ZNF81: variants seen among roughly 807,000 people sequenced by gnomAD.
ZNF81 encodes zinc finger protein 81 (HFZ20).
In ZNF81, 5 loss-of-function variants were observed where a neutral mutation model predicts 32.3. That is an observed-to-expected ratio of 0.15 (90% CI 0.08 to 0.33). The LOEUF (loss-of-function observed/expected upper bound fraction) is 0.33. Among genes scored for constraint, ZNF81 ranks in the 10% least tolerant of loss-of-function variants. The pLI is 1.00. For missense variants in ZNF81, 379 were observed against 479.8 expected (o/e 0.79, Z 1.96); for synonymous variants, 163 against 166.8 (o/e 0.98, Z 0.17).
At chrX:47,907,627 A>T (rs1164453800) in intron 4 of ZNF81, among the ~76,000 whole-genome samples, 1 of 112,217 alleles carries the variant, frequency 8.9e-6, no homozygotes, top group East Asian at 2.8e-4. Flanking sequence ...TCTTTGAAAG[A>T]TTAACACAAT....
chrX:47,842,173 T>C (rs782750194), intron 1 of ZNF81, among the ~76,000 whole-genome samples: 12 of 112,061 alleles, frequency 1.1e-4, no homozygotes, highest in Non-Finnish European at 2.1e-4. Context: ...GAGAACATAC[T>C]CTGTACGACT....
chrX:47,841,152 G>C, intron 1 of ZNF81: 1 of 809,401 alleles, frequency 1.2e-6, no homozygotes. Context: ...GGTCTTCCAA[G>C]CAAATGACAC....
At chrX:47,857,707 A>G (rs5906496) in intron 2 of ZNF81, among the ~76,000 whole-genome samples, 47,792 of 110,047 alleles carry the variant, frequency 0.43, 7,838 homozygotes, top group East Asian at 0.63. Context: ...ATCTGAAAAA[A>G]TCTGCCCTTG....
At chrX:47,889,753 T>C (rs1454065298) in intron 3 of ZNF81, among the ~76,000 whole-genome samples, 1 of 111,626 alleles carries the variant, frequency 9.0e-6, no homozygotes, top group Non-Finnish European at 1.9e-5. Context: ...CTTCCAATCA[T>C]GGCGGAAGGC....
chrX:47,913,096 G>C (rs1169861854), intron 4 of ZNF81, among the ~76,000 whole-genome samples: 1 of 111,700 alleles, frequency 9.0e-6, no homozygotes, highest in African/African-American at 3.3e-5. Flanking sequence ...GTTTGTATAG[G>C]TTAGGATGGC....
At chrX:47,904,827 C>A (rs1465114955) in intron 4 of ZNF81, among the ~76,000 whole-genome samples, 2 of 111,291 alleles carry the variant, frequency 1.8e-5, no homozygotes, top group African/African-American at 6.6e-5. Flanking sequence ...TGTCCAACAA[C>A]GATAGACTGG....
chrX:47,909,015 G>A (rs1556889505), intron 4 of ZNF81, among the ~76,000 whole-genome samples: 1 of 111,795 alleles, frequency 8.9e-6, no homozygotes, highest in Admixed American at 9.5e-5. Context: ...GAGTATTGGA[G>A]TTCAGCTTTA....
intron 3 of ZNF81, among the ~76,000 whole-genome samples, chrX:47,892,875 G>T (rs1315795926): frequency 8.9e-6 from 1 of 112,548 alleles, no homozygotes; most frequent in Non-Finnish European, 1.9e-5. Flanking sequence ...TAAAAGCAAA[G>T]AAGGGTGGTG....
rs2146435883 is a variant in ZNF81 at position 47,923,774 on chromosome X, A to G, written c.*7142A>G. Among the ~76,000 whole-genome samples the G allele has an allele frequency of 8.9e-6, 1 of 112,076 alleles. No individual in the cohort carries two copies. The highest frequency in any genetic ancestry group is 2.8e-4 in the East Asian group (1 of 3,578). On this transcript the variant is annotated 3_prime_UTR_variant, in exon 5 of 5. Transcript: ENST00000338637. ...AAGAGTTGGCTAAAGTAGAAATTAC[A>G]TGAGATTTGGAAGGTCAAAGGGAAG...
intron 2 of ZNF81, among the ~76,000 whole-genome samples, chrX:47,881,202 G>A (rs782213446): frequency 5.4e-5 from 6 of 111,683 alleles, no homozygotes; most frequent in Admixed American, 9.5e-5. Context: ...CAAATAACTC[G>A]CAATCTTCCT....
At chrX:47,892,012 G>A (rs1201477880) in intron 3 of ZNF81, among the ~76,000 whole-genome samples, 21 of 111,242 alleles carry the variant, frequency 1.9e-4, no homozygotes, top group Admixed American at 1.8e-3. Flanking sequence ...TTGAAGGGCT[G>A]TGACTTTGTG....
At chrX:47,875,859 C>T (rs2058597864) in intron 2 of ZNF81, among the ~76,000 whole-genome samples, 2 of 112,277 alleles carry the variant, frequency 1.8e-5, no homozygotes, top group African/African-American at 6.5e-5. Context: ...TTTTATATAG[C>T]CAAGCAGATA....
rs898032549 is a variant in ZNF81, at chrX:47,920,469, C to T, written c.*3837C>T. ...CCTGCCCTCTTCCACTGGTAGAAGG[C>T]CTTTAATGATCTGGGCCCAGGATGA... On this transcript the variant is annotated 3_prime_UTR_variant, in exon 5 of 5. Coordinates refer to ENST00000338637, the MANE Select transcript of ZNF81 (RefSeq NM_007137.5). 9.1e-6 allele frequency: 1 copy of T among 110,452 alleles called. No homozygotes were observed. The highest frequency in any genetic ancestry group is 1.9e-5 in the Non-Finnish European group (1 of 52,809). The allele number at this position is 110,452 out of a possible 1,213,427, so 9.1% of individuals were successfully genotyped here.
At chrX:47,856,685 C>T (rs1268102897) in intron 2 of ZNF81, among the ~76,000 whole-genome samples, 3 of 111,816 alleles carry the variant, frequency 2.7e-5, no homozygotes, top group African/African-American at 9.7e-5. Context: ...TGGCTCATAC[C>T]TGTAATCTCA....
chrX:47,861,010 T>C (rs1233995125), intron 2 of ZNF81: 1 of 112,457 alleles, frequency 8.9e-6, no homozygotes. Context: ...CTGTGTCTTT[T>C]GTAATATTCT....
intron 4 of ZNF81, among the ~76,000 whole-genome samples, chrX:47,897,406 G>A (rs1258669809): frequency 9.0e-6 from 1 of 111,725 alleles, no homozygotes; most frequent in Non-Finnish European, 1.9e-5. Flanking sequence ...TTTTTAATCA[G>A]GTTGTTTGTC....
At chrX:47,844,661 A>G (rs1219214983) in intron 1 of ZNF81, among the ~76,000 whole-genome samples, 1 of 112,336 alleles carries the variant, frequency 8.9e-6, no homozygotes, top group African/African-American at 3.2e-5. Flanking sequence ...TGGAATGGAC[A>G]TGGGTTTTTA....
Position 47,919,783 on chromosome X carries a change from A to G in ZNF81, c.*3151A>G, listed in dbSNP as rs2058769939. Reference sequence around the variant, plus strand: ...CCCAAAGGCTCCACCTCCTAATACCATCACATTGAGGATTAGGATTTTAAC... The same window carrying G: ...CCCAAAGGCTCCACCTCCTAATACCGTCACATTGAGGATTAGGATTTTAAC... On this transcript the variant is annotated 3_prime_UTR_variant, in exon 5 of 5. Coordinates refer to ENST00000338637, the MANE Select transcript of ZNF81 (RefSeq NM_007137.5). 1.8e-5 allele frequency: 2 copies of G among 111,345 alleles called. No homozygotes were observed. Among genetic ancestry groups the G allele is most frequent in the Non-Finnish European group, 3.8e-5 (2 of 53,124 alleles). 9.2% of individuals were successfully genotyped at this position (111,345 alleles called of 1,213,427 possible).
chrX:47,838,325 T>C (rs782708998), intron 1 of ZNF81, among the ~76,000 whole-genome samples: 1 of 112,110 alleles, frequency 8.9e-6, no homozygotes, highest in Non-Finnish European at 1.9e-5. Context: ...CTTATTACAC[T>C]GGCAAGAAGT....
Sources: allele counts gnomAD v4.1 joint callset (sites outside exome capture counted in the v4.1 genomes callset), GRCh38; gene constraint gnomAD v4.1.1; transcripts MANE v1.5; gene names NCBI Gene and HGNC (gene_info 2026-07-23, HGNC 2026-07-21).